ATG4A: variants seen among roughly 807,000 people sequenced by gnomAD.
The protein encoded by ATG4A is cysteine protease ATG4A.
A neutral mutation model predicts 38.4 loss-of-function variants in ATG4A; 22 were observed. That is an observed-to-expected ratio of 0.57 (90% CI 0.41 to 0.82). ATG4A has a LOEUF of 0.82. Ranked by LOEUF, ATG4A falls within the 40% of genes least tolerant of loss-of-function variation. The pLI is 0.00. For synonymous variants in ATG4A, 86 were observed against 100.7 expected, an observed-to-expected ratio of 0.85 and a Z score of 0.88; for missense variants, 220 against 290.0, an observed-to-expected ratio of 0.76 and a Z score of 1.75.
intron 1 of ATG4A, among the ~76,000 whole-genome samples, chrX:108,125,597 T>C (rs1319034187): frequency 8.9e-6 from 1 of 112,118 alleles, no homozygotes; most frequent in Non-Finnish European, 1.9e-5. Context: ...AGCTAAAATA[T>C]TACCATATAC....
At chrX:108,121,135 A>G (rs756893397) in intron 1 of ATG4A, among the ~76,000 whole-genome samples, 2 of 111,764 alleles carry the variant, frequency 1.8e-5, no homozygotes, top group African/African-American at 3.3e-5. Context: ...GGTGGAAGAC[A>G]AATGAAGATG....
chrX:108,106,546 C>G (rs1299714506), intron 1 of ATG4A, among the ~76,000 whole-genome samples: 1 of 111,751 alleles, frequency 8.9e-6, no homozygotes, highest in Admixed American at 9.5e-5. Flanking sequence ...CTTTCCAATT[C>G]ACAAATTTCC....
intron 9 of ATG4A, among the ~76,000 whole-genome samples, chrX:108,149,009 G>A (rs1355547104): frequency 1.8e-5 from 2 of 112,852 alleles, no homozygotes; most frequent in South Asian, 3.6e-4. Context: ...CAGGCCCGAT[G>A]ACCCTAGTTT....
chrX:108,105,204 G>A (rs755552516), intron 1 of ATG4A, among the ~76,000 whole-genome samples: 1 of 111,181 alleles, frequency 9.0e-6, no homozygotes, highest in Admixed American at 9.6e-5. Context: ...CTGAAACATT[G>A]GTAACTTCTT....
At chrX:108,102,861 A>G (rs931225630) in intron 1 of ATG4A, among the ~76,000 whole-genome samples, 3 of 106,756 alleles carry the variant, frequency 2.8e-5, no homozygotes, top group Non-Finnish European at 5.8e-5. Flanking sequence ...TCCTGGTTAC[A>G]TGTGGAGGAT....
At chrX:108,093,733 T>C (rs1332133977) in intron 1 of ATG4A, among the ~76,000 whole-genome samples, 2 of 112,227 alleles carry the variant, frequency 1.8e-5, no homozygotes, top group Non-Finnish European at 3.8e-5. Context: ...ACATTTGTTA[T>C]TTACTGTGTT....
intron 9 of ATG4A, among the ~76,000 whole-genome samples, chrX:108,138,765 C>G (rs1379399388): frequency 1.8e-5 from 2 of 112,111 alleles, no homozygotes; most frequent in Non-Finnish European, 3.8e-5. Flanking sequence ...CATCTGAGGT[C>G]CTTGGTACAC....
intron 1 of ATG4A, among the ~76,000 whole-genome samples, chrX:108,122,575 A>G (rs1472383876): frequency 2.7e-5 from 3 of 111,815 alleles, no homozygotes; most frequent in South Asian, 3.8e-4. Flanking sequence ...CAGAGGAGAC[A>G]GAATAGGGTT....
intron 12 of ATG4A, 134 bp downstream of exon 12, chrX:108,153,221 C>T (rs1317619550): frequency 1.5e-5 from 7 of 453,980 alleles, no homozygotes; most frequent in African/African-American, 1.5e-4. Context: ...AAAAATGGCA[C>T]TTCTGGTTAT....
intron 1 of ATG4A, among the ~76,000 whole-genome samples, chrX:108,115,495 A>G (rs972458177): frequency 9.0e-6 from 1 of 111,633 alleles, no homozygotes; most frequent in African/African-American, 3.3e-5. Flanking sequence ...CTGGTTTCAA[A>G]CTTTATGTAA....
intron 3 of ATG4A, among the ~76,000 whole-genome samples, chrX:108,130,966 C>G (rs2032937486): frequency 1.8e-5 from 2 of 111,499 alleles, no homozygotes; most frequent in Admixed American, 1.9e-4. Context: ...ACATGGCAGT[C>G]ACCTACCAAA....
chrX:108,146,036 T>C (rs1569313440), intron 9 of ATG4A, among the ~76,000 whole-genome samples: 1 of 112,088 alleles, frequency 8.9e-6, no homozygotes, highest in East Asian at 2.8e-4. Flanking sequence ...ATCATTTCCC[T>C]TCCCCCAATG....
intron 1 of ATG4A, among the ~76,000 whole-genome samples, chrX:108,105,141 A>G (rs1315101182): frequency 2.7e-5 from 3 of 110,924 alleles, no homozygotes; most frequent in Admixed American, 9.6e-5. Context: ...TCTTTGGACC[A>G]TGTTTCTCTG....
upstream of ATG4A, among the ~76,000 whole-genome samples, chrX:108,090,018 C>G (rs1423783612): frequency 8.9e-6 from 1 of 111,881 alleles, no homozygotes; most frequent in African/African-American, 3.2e-5. Context: ...TAGAAACCCA[C>G]AGGCCTACTG....
At chrX:108,134,537 A>G in intron 6 of ATG4A, 126 bp downstream of exon 6, 1 of 554,976 alleles carries the variant, frequency 1.8e-6, no homozygotes, top group Non-Finnish European at 2.9e-6. Context: ...CCACTAAACC[A>G]TCAAATATCT....
chrX:108,113,509 G>A (rs1193350718), intron 1 of ATG4A, among the ~76,000 whole-genome samples: 2 of 111,302 alleles, frequency 1.8e-5, no homozygotes, highest in Non-Finnish European at 3.8e-5. Flanking sequence ...GTTTTCAGGG[G>A]CAGTTATTGT....
intron 6 of ATG4A, 90 bp downstream of exon 6, chrX:108,134,501 C>A: frequency 1.2e-6 from 1 of 837,483 alleles, no homozygotes; most frequent in Non-Finnish European, 1.7e-6. Flanking sequence ...CCGAGGTATT[C>A]TTGCAATCCC....
intron 6 of ATG4A, among the ~76,000 whole-genome samples, chrX:108,136,828 G>A (rs770728220): frequency 3.6e-5 from 4 of 111,650 alleles, no homozygotes; most frequent in South Asian, 7.6e-4. Flanking sequence ...TAGGTGTCCC[G>A]TCATTTTGTG....
chrX:108,150,732 A>C (rs2033565292), intron 10 of ATG4A, among the ~76,000 whole-genome samples: 1 of 112,135 alleles, frequency 8.9e-6, no homozygotes. Flanking sequence ...CACTACCACA[A>C]GGATGGTATG....
Sources: allele counts gnomAD v4.1 joint callset (sites outside exome capture counted in the v4.1 genomes callset), GRCh38; gene constraint gnomAD v4.1.1; transcripts MANE v1.5; gene names NCBI Gene and HGNC (gene_info 2026-07-23, HGNC 2026-07-21).